PPFIA2: variants seen among roughly 807,000 people sequenced by gnomAD.
PPFIA2 encodes PPFI scaffold protein A2.
Under a neutral mutation model 175.5 loss-of-function variants are expected in PPFIA2, and 46 were observed. The observed-to-expected ratio is 0.26, with a 90% CI of 0.21 to 0.34. The LOEUF (loss-of-function observed/expected upper bound fraction) is 0.34, where lower values mean the gene tolerates loss of function less well. PPFIA2 is among the 10% of genes least tolerant of loss of function. The pLI, the probability that PPFIA2 is intolerant of heterozygous loss-of-function variation, is 1.00. For missense variants in PPFIA2, 1,179 were observed against 1,506.1 expected (o/e 0.78, Z 3.60); for synonymous variants, 568 against 511.4 (o/e 1.11, Z -1.49).
At chr12:81,273,160 A>G (rs2039588776) in intron 28 of PPFIA2, among the ~76,000 whole-genome samples, 1 of 152,106 alleles carries the variant, frequency 6.6e-6, no homozygotes, top group East Asian at 1.9e-4. Flanking sequence ...TTTCTGTTCA[A>G]TTTTTAGATT....
chr12:81,677,058 A>G (rs944790055), intron 3 of PPFIA2, among the ~76,000 whole-genome samples: 4 of 152,020 alleles, frequency 2.6e-5, no homozygotes, highest in East Asian at 3.9e-4. Flanking sequence ...TAAAAAGAAA[A>G]ACATGTAAAC....
At chr12:81,345,819 T>C (rs891383589) in intron 18 of PPFIA2, among the ~76,000 whole-genome samples, 14 of 152,126 alleles carry the variant, frequency 9.2e-5, no homozygotes, top group African/African-American at 3.4e-4. Flanking sequence ...ATCAGATGAA[T>C]GGTTCCTAAA....
rs564991889 is a variant in PPFIA2 at position 81,606,529 on chromosome 12, G to A, written c.303+70262C>T. 5.9e-5 allele frequency among the ~76,000 whole-genome samples: 9 copies of A among 152,166 alleles called. No individual in the cohort carries two copies. In the East Asian group the frequency reaches 1.7e-3, roughly 29 times the overall value. The stretch of plus-strand genomic sequence containing the variant: ...TAGCGATTTTGCCTGGTGTGAGATA[G>A]TATCTCATTGTGGTTTTCATTTGCA... On this transcript the variant is annotated intron_variant, in intron 4 of 32. Transcript: ENST00000549396.
intron 4 of PPFIA2, among the ~76,000 whole-genome samples, chr12:81,613,083 C>G (rs940710548): frequency 6.6e-6 from 1 of 152,076 alleles, no homozygotes; most frequent in Non-Finnish European, 1.5e-5. Context: ...ATTAGAAGAA[C>G]TCTAATATTA....
At chr12:81,564,832 A>G (rs1386047475) in intron 4 of PPFIA2, among the ~76,000 whole-genome samples, 1 of 152,150 alleles carries the variant, frequency 6.6e-6, no homozygotes, top group Admixed American at 6.5e-5. Flanking sequence ...TGAGCCTCAA[A>G]TCTGCTAAGA....
At chr12:81,459,891 A>G (rs1179237051) in intron 4 of PPFIA2, among the ~76,000 whole-genome samples, 1 of 152,112 alleles carries the variant, frequency 6.6e-6, no homozygotes, top group Non-Finnish European at 1.5e-5. Flanking sequence ...ATGGCTGAGG[A>G]TACTGAATAA....
intron 4 of PPFIA2, among the ~76,000 whole-genome samples, chr12:81,660,940 C>T (rs1030413716): frequency 4.6e-5 from 7 of 152,212 alleles, no homozygotes; most frequent in African/African-American, 1.7e-4. Context: ...TCATATCCAG[C>T]CAAACTAAGC....
intron 4 of PPFIA2, among the ~76,000 whole-genome samples, chr12:81,515,317 C>T (rs568174204): frequency 1.5e-3 from 231 of 152,006 alleles, no homozygotes; most frequent in Middle Eastern, 3.4e-3. Context: ...AGAAAGCGTG[C>T]TGTGTTTCTG....
chr12:81,677,751 A>G (rs1273186652), intron 3 of PPFIA2, among the ~76,000 whole-genome samples: 2 of 151,934 alleles, frequency 1.3e-5, no homozygotes, highest in Non-Finnish European at 2.9e-5. Flanking sequence ...TTAATAGGTA[A>G]CCACAGAAGG....
intron 4 of PPFIA2, among the ~76,000 whole-genome samples, chr12:81,530,816 T>C (rs552242555): frequency 6.6e-6 from 1 of 151,992 alleles, no homozygotes; most frequent in African/African-American, 2.4e-5. Context: ...TTTGGAATAT[T>C]ATGTATTTGC....
intron 4 of PPFIA2, among the ~76,000 whole-genome samples, chr12:81,655,914 T>C (rs2067722911): frequency 6.6e-6 from 1 of 152,044 alleles, no homozygotes; most frequent in Non-Finnish European, 1.5e-5. Context: ...ATTCTGTTAA[T>C]TTTTGTATGT....
intron 3 of PPFIA2, among the ~76,000 whole-genome samples, chr12:81,688,959 A>C (rs1350023900): frequency 6.6e-6 from 1 of 151,664 alleles, no homozygotes; most frequent in Non-Finnish European, 1.5e-5. Context: ...ATAAGCTGGC[A>C]AGAAAACAGA....
intron 24 of PPFIA2, among the ~76,000 whole-genome samples, chr12:81,291,478 C>T (rs567702743): frequency 3.3e-5 from 5 of 151,946 alleles, no homozygotes; most frequent in East Asian, 1.9e-4. Context: ...CAAGGCCACA[C>T]GTTTCTTATA....
At position 81,754,224 on chromosome 12, in the gene PPFIA2, C is replaced by T. The variant is rs2084285056; in HGVS notation, c.-2-1G>A. ...GTGGGCATCACTTCACACATCATTG[C>T]TTAAAGAAAGTAAGTGGGAAGGAGT... is the stretch of plus-strand genomic sequence containing the variant. On this transcript the variant is annotated splice_acceptor_variant, in intron 2 of 32. Transcript: ENST00000549396. LOFTEE classifies it low-confidence loss of function (5UTR_SPLICE). 1 of 1,591,470 alleles carries T rather than the reference C, an allele frequency of 6.3e-7. No homozygotes were observed. The highest frequency in any genetic ancestry group is 8.6e-7 in the Non-Finnish European group (1 of 1,166,186).
chr12:81,658,697 T>C (rs1215192792), intron 4 of PPFIA2, among the ~76,000 whole-genome samples: 1 of 151,970 alleles, frequency 6.6e-6, no homozygotes, highest in South Asian at 2.1e-4. Context: ...ATATGATATA[T>C]AAAAATATGT....
At chr12:81,758,044 C>G (rs1436753676) in intron 2 of PPFIA2, among the ~76,000 whole-genome samples, 1 of 152,158 alleles carries the variant, frequency 6.6e-6, no homozygotes, top group Non-Finnish European at 1.5e-5. Flanking sequence ...ATGATTATCA[C>G]CTTTAATGGA....
At chr12:81,425,831 C>T (rs2047043913) in intron 7 of PPFIA2, among the ~76,000 whole-genome samples, 2 of 151,954 alleles carry the variant, frequency 1.3e-5, no homozygotes, top group Non-Finnish European at 2.9e-5. Flanking sequence ...TGAAAAATAC[C>T]ATTTTGGCTT....
chr12:81,676,717 G>A, intron 4 of PPFIA2, 74 bp downstream of exon 4: 1 of 1,023,908 alleles, frequency 9.8e-7, no homozygotes, highest in Non-Finnish European at 1.4e-6. Flanking sequence ...TAATATACAA[G>A]CAATCAACTG....
At chr12:81,638,898 G>T (rs537475605) in intron 4 of PPFIA2, among the ~76,000 whole-genome samples, 1 of 150,956 alleles carries the variant, frequency 6.6e-6, no homozygotes, top group Admixed American at 6.6e-5. Flanking sequence ...CGTTTTAGCC[G>T]GGATGGTCTC....
Sources: gnomAD v4.1 joint callset for allele counts (sites outside exome capture counted in the v4.1 genomes callset) on GRCh38, gnomAD v4.1.1 for gene constraint, MANE v1.5 for transcripts, NCBI Gene and HGNC (gene_info 2026-07-23, HGNC 2026-07-21) for gene names.